The following MECOM variants were observed in gnomAD, a reference collection of about 807,000 sequenced individuals.
The protein encoded by MECOM is MDS1 and EVI1 complex locus.
In MECOM, 13 loss-of-function variants were observed where a neutral mutation model predicts 116.3. That is an observed-to-expected ratio of 0.11 (90% CI 0.07 to 0.18). The LOEUF (loss-of-function observed/expected upper bound fraction) is 0.18, where lower values mean the gene tolerates loss of function less well. Ranked by LOEUF, MECOM falls within the 10% of genes least tolerant of loss-of-function variation. MECOM has a pLI of 1.00. For synonymous variants in MECOM, 528 were observed against 535.2 expected, an observed-to-expected ratio of 0.99 and a Z score of 0.19; for missense variants, 1,299 against 1,509.0, an observed-to-expected ratio of 0.86 and a Z score of 2.31.
chr3:169,259,550 C>G (rs1757282313), intron 2 of MECOM, among the ~76,000 whole-genome samples: 3 of 152,008 alleles, frequency 2.0e-5, no homozygotes, highest in Admixed American at 2.0e-4. Flanking sequence ...TAGCAAGACC[C>G]CATCTCTAAA....
At chr3:169,378,456 A>AGAAAGAAG (rs1175583874) in intron 2 of MECOM, among the ~76,000 whole-genome samples, 32 of 51,660 alleles carry the variant, frequency 6.2e-4, no homozygotes, top group African/African-American at 1.4e-3. Context: ...AAAGAAGGAA[A>AGAAAGAAG]GCAAGCAAGC....
intron 2 of MECOM, chr3:169,146,941 T>C (rs971028488): frequency 2.0e-6 from 2 of 1,022,260 alleles, no homozygotes; most frequent in Non-Finnish European, 2.3e-6. Flanking sequence ...TGTCCGTCTC[T>C]AGGATCTGCT....
At chr3:169,626,220 T>C (rs1771350928) in intron 1 of MECOM, among the ~76,000 whole-genome samples, 1 of 152,220 alleles carries the variant, frequency 6.6e-6, no homozygotes, top group Non-Finnish European at 1.5e-5. Context: ...TAACTTATCC[T>C]CACCCTCCTA....
chr3:169,423,723 G>A (rs1321232386), intron 1 of MECOM, among the ~76,000 whole-genome samples: 1 of 152,078 alleles, frequency 6.6e-6, no homozygotes, highest in African/African-American at 2.4e-5. Context: ...CTGATGAGGA[G>A]GCTGAGGTCT....
intron 2 of MECOM, among the ~76,000 whole-genome samples, chr3:169,248,856 C>T (rs1393364170): frequency 6.6e-6 from 1 of 152,088 alleles, no homozygotes; most frequent in Non-Finnish European, 1.5e-5. Flanking sequence ...AGAAACCAAG[C>T]CTGCCAATGC....
rs1404829670 is a variant in MECOM, at chr3:169,660,428, CGG to C, written c.37+2906_37+2907del. Among the ~76,000 whole-genome samples the C allele has an allele frequency of 6.2e-4, 94 of 152,138 alleles. 1 individual carries two copies. In the South Asian group the frequency reaches 0.018, roughly 30 times the overall value. On this transcript the variant is annotated intron_variant, in intron 1 of 16. Coordinates refer to ENST00000651503, the MANE Select transcript of MECOM (RefSeq NM_004991.4). ...GCAAACTGTGTTGTGCATTCAATCT[CGG>C]TGTAGATTCAGTGGGTATTTTCAGG...
At chr3:169,609,769 T>C (rs926729351) in intron 1 of MECOM, among the ~76,000 whole-genome samples, 37 of 152,194 alleles carry the variant, frequency 2.4e-4, no homozygotes, top group African/African-American at 8.7e-4. Flanking sequence ...TTGTTTAGAA[T>C]CCAGAGTATA....
chr3:169,194,410 C>G (rs1748134799), intron 2 of MECOM, among the ~76,000 whole-genome samples: 1 of 151,890 alleles, frequency 6.6e-6, no homozygotes, highest in African/African-American at 2.4e-5. Context: ...CACATGTATA[C>G]ATATGTAACA....
Position 169,095,093 on chromosome 3 carries a change from T to C in MECOM, c.3002A>G (p.Glu1001Gly). 3 of 1,608,860 alleles carry C rather than the reference T, an allele frequency of 1.9e-6. No individual in the cohort carries two copies. Among genetic ancestry groups the C allele is most frequent in the Non-Finnish European group, 2.5e-6 (3 of 1,178,084 alleles). The change falls in exon 13 of 17, where the codon GAG becomes GGG. Residue 1001 changes from glutamate (E) to glycine (G), a missense_variant. Transcript: ENST00000651503. ...TTACGTACCGGACATGTTCCCATTC[T>C]CATGTTTCTTTAGGTGTCTGTCTAA... ...TNLDRHLKKH[E>G]NGNMSGTATS...
chr3:169,146,402 A>G lies in MECOM; in HGVS notation c.376-2570T>C, dbSNP rs1237160268. On this transcript the variant is annotated intron_variant, in intron 2 of 16. Coordinates refer to ENST00000651503, the MANE Select transcript of MECOM (RefSeq NM_004991.4). ...TTGTGCGTCCCCGAAACCGACGGAC[A>G]GAGACACACGGAGGGAGGGGAAGGA... is the stretch of plus-strand genomic sequence containing the variant. 5.7e-6 allele frequency: 8 copies of G among 1,393,864 alleles called. No homozygotes were observed. In the East Asian group the frequency reaches 2.7e-4, roughly 47 times the overall value. 86.3% of individuals were successfully genotyped at this position (1,393,864 alleles called of 1,614,324 possible). A position where few individuals can be genotyped will look rare whatever the true frequency, so the allele number is the denominator to read the frequency against.
intron 2 of MECOM, among the ~76,000 whole-genome samples, chr3:169,310,605 C>T (rs919285350): frequency 2.2e-4 from 34 of 152,174 alleles, no homozygotes; most frequent in African/African-American, 5.6e-4. Context: ...CTGTCACTCT[C>T]GTTCAGAAAC....
intron 2 of MECOM, among the ~76,000 whole-genome samples, chr3:169,160,892 T>G (rs1483384323): frequency 6.6e-6 from 1 of 152,140 alleles, no homozygotes; most frequent in African/African-American, 2.4e-5. Flanking sequence ...AGACAAAACA[T>G]TCACAGAAAA....
intron 2 of MECOM, among the ~76,000 whole-genome samples, chr3:169,184,892 C>A (rs571149845): frequency 6.6e-6 from 1 of 152,246 alleles, no homozygotes; most frequent in East Asian, 1.9e-4. Flanking sequence ...TAAGCAGAAT[C>A]AAGAAATATT....
chr3:169,457,377 A>T (rs1306333162), intron 1 of MECOM, among the ~76,000 whole-genome samples: 1 of 152,196 alleles, frequency 6.6e-6, no homozygotes, highest in East Asian at 1.9e-4. Flanking sequence ...CGGCCAAAGG[A>T]TTAAGCATTA....
intron 1 of MECOM, among the ~76,000 whole-genome samples, chr3:169,616,502 C>T (rs1414854455): frequency 2.0e-5 from 3 of 152,124 alleles, no homozygotes; most frequent in Non-Finnish European, 2.9e-5. Context: ...CCTGCCACCA[C>T]ACCTGGCTAA....
chr3:169,613,874 A>C (rs1769602089), intron 1 of MECOM: 2 of 152,166 alleles, frequency 1.3e-5, no homozygotes, highest in African/African-American at 4.8e-5. Flanking sequence ...CTGACAAGGA[A>C]CTAGAACTAG....
chr3:169,479,676 A>T (rs941909751), intron 1 of MECOM, among the ~76,000 whole-genome samples: 2 of 112,190 alleles, frequency 1.8e-5, no homozygotes, highest in African/African-American at 6.6e-5. Context: ...AAAAAAAAAA[A>T]ATTTGCCTGA....
intron 2 of MECOM, among the ~76,000 whole-genome samples, chr3:169,220,620 G>A (rs1418100322): frequency 1.3e-5 from 2 of 151,946 alleles, no homozygotes; most frequent in South Asian, 2.1e-4. Context: ...GATTACAGGT[G>A]CCCACCACCA....
chr3:169,131,763 T>C (rs1734791819), intron 3 of MECOM: 1 of 644,230 alleles, frequency 1.6e-6, no homozygotes, highest in Non-Finnish European at 2.4e-6. Context: ...CTTTTCCAAA[T>C]CCTACTTCAC....
Sources: gnomAD v4.1 joint callset for allele counts (sites outside exome capture counted in the v4.1 genomes callset) on GRCh38, gnomAD v4.1.1 for gene constraint, MANE v1.5 for transcripts, NCBI Gene and HGNC (gene_info 2026-07-23, HGNC 2026-07-21) for gene names.